EIPR1: variants seen among roughly 807,000 people sequenced by gnomAD.
EIPR1 encodes EARP complex and GARP complex interacting protein 1.
EIPR1 carries 25 observed loss-of-function variants against 48.1 expected under a neutral mutation model. The ratio of observed to expected loss-of-function variants is 0.52; its 90% CI spans 0.38 to 0.73. The LOEUF (loss-of-function observed/expected upper bound fraction) is 0.73, where lower values mean the gene tolerates loss of function less well. Among genes scored for constraint, EIPR1 ranks in the 30% least tolerant of loss-of-function variants. The probability of loss-of-function intolerance (pLI) is 0.00; values close to 1 mark genes in which losing one functional copy is unlikely to be tolerated. For synonymous variants in EIPR1, 204 were observed against 201.9 expected (o/e 1.01, Z -0.09); for missense variants, 415 against 506.2 (o/e 0.82, Z 1.73).
intron 4 of EIPR1, 66 bp from the exon 5 acceptor site, chr2:3,214,314 G>A (rs1346299365): frequency 2.8e-6 from 4 of 1,426,368 alleles, no homozygotes; most frequent in Admixed American, 3.5e-5. Context: ...GTAGGTAAGA[G>A]CTGTGATACA....
At chr2:3,228,443 G>A (rs1485137564) in intron 4 of EIPR1, among the ~76,000 whole-genome samples, 1 of 152,212 alleles carries the variant, frequency 6.6e-6, no homozygotes, top group Non-Finnish European at 1.5e-5. Context: ...AGTTGCTTTT[G>A]ATTTTACAGA....
chr2:3,216,216 G>A (rs1421367914), intron 4 of EIPR1, among the ~76,000 whole-genome samples: 1 of 152,158 alleles, frequency 6.6e-6, no homozygotes, highest in Non-Finnish European at 1.5e-5. Context: ...CGTGCTGGTG[G>A]AGTAATGCAC....
intron 4 of EIPR1, among the ~76,000 whole-genome samples, chr2:3,235,640 A>G (rs993141323): frequency 6.6e-6 from 1 of 152,224 alleles, no homozygotes; most frequent in African/African-American, 2.4e-5. Context: ...AAATGAACTT[A>G]ATTCAACTCT....
intron 4 of EIPR1, among the ~76,000 whole-genome samples, chr2:3,238,922 C>T (rs1666503952): frequency 6.6e-6 from 1 of 152,186 alleles, no homozygotes; most frequent in African/African-American, 2.4e-5. Context: ...AAGAAGGGAG[C>T]CAGCCAGCCC....
At chr2:3,295,896 T>C (rs1284062945) in intron 3 of EIPR1, among the ~76,000 whole-genome samples, 44 of 62,764 alleles carry the variant, frequency 7.0e-4, no homozygotes, top group South Asian at 1.2e-3. Flanking sequence ...TCCAGCCCAT[T>C]CTCTCTTTAC....
intron 3 of EIPR1, among the ~76,000 whole-genome samples, chr2:3,289,920 C>T (rs988760962): frequency 6.6e-6 from 1 of 152,234 alleles, no homozygotes; most frequent in Non-Finnish European, 1.5e-5. Flanking sequence ...TTTGTCACGG[C>T]CTCCAGGGTG....
At chr2:3,337,439 C>T (rs1253549909) in intron 3 of EIPR1, among the ~76,000 whole-genome samples, 3 of 152,082 alleles carry the variant, frequency 2.0e-5, no homozygotes, top group African/African-American at 7.2e-5. Context: ...CTCCATAGAG[C>T]CAGAATTTAG....
At chr2:3,219,846 G>A (rs1379481333) in intron 4 of EIPR1, among the ~76,000 whole-genome samples, 1 of 152,104 alleles carries the variant, frequency 6.6e-6, no homozygotes, top group Non-Finnish European at 1.5e-5. Context: ...TGCACATGAT[G>A]GCCCCAGTAC....
chr2:3,311,809 C>CG lies in EIPR1; in HGVS notation c.259+26207dup, dbSNP rs553741048. 2.9e-4 allele frequency among the ~76,000 whole-genome samples: 12 copies of CG among 41,838 alleles called. No homozygotes were observed. In the South Asian group the frequency reaches 4.0e-3, roughly 14 times the overall value. The allele number at this position is 41,838 out of a possible 152,430, so 27.4% of individuals were successfully genotyped here. ...GGGGCTCCATTCGCGGGGTGCTGGG[C>CG]GGGGGGGCTCTACTCTGGGGCACCA... On this transcript the variant is annotated intron_variant, in intron 3 of 8. Transcript: ENST00000382125.
At chr2:3,366,861 T>C (rs1031753674) in intron 1 of EIPR1, among the ~76,000 whole-genome samples, 1 of 152,134 alleles carries the variant, frequency 6.6e-6, no homozygotes, top group African/African-American at 2.4e-5. Context: ...GAGACCAGCC[T>C]GACCAACGTG....
intron 4 of EIPR1, among the ~76,000 whole-genome samples, chr2:3,247,040 AGAGGGAGGGAGAGAGG>A (rs1558249241): frequency 2.1e-4 from 1 of 4,704 alleles, no homozygotes; most frequent in Non-Finnish European, 4.0e-4. Context: ...AGGGAGGGAG[AGAGGGAGGGAGAGAGG>A]GAGGGAGAGA....
chr2:3,232,670 G>A (rs899313805), intron 4 of EIPR1, among the ~76,000 whole-genome samples: 2 of 152,266 alleles, frequency 1.3e-5, no homozygotes, highest in Non-Finnish European at 2.9e-5. Context: ...TGTTAGGACA[G>A]CATCACACTC....
chr2:3,289,122 GT>G (rs1558276161), intron 3 of EIPR1, among the ~76,000 whole-genome samples: 1 of 152,182 alleles, frequency 6.6e-6, no homozygotes, highest in Non-Finnish European at 1.5e-5. Flanking sequence ...CTCCCCACCG[GT>G]TTCAGGGGAG....
At chr2:3,326,388 G>A (rs1669700151) in intron 3 of EIPR1, among the ~76,000 whole-genome samples, 1 of 152,096 alleles carries the variant, frequency 6.6e-6, no homozygotes, top group Non-Finnish European at 1.5e-5. Context: ...CACCAAATCT[G>A]GTGCCCTCTC....
chr2:3,313,900 A>AC (rs112208476), intron 3 of EIPR1, among the ~76,000 whole-genome samples: 4 of 152,050 alleles, frequency 2.6e-5, no homozygotes, highest in African/African-American at 7.2e-5. Flanking sequence ...TCTGACCCTC[A>AC]CCCCCCGGTC....
intron 3 of EIPR1, among the ~76,000 whole-genome samples, chr2:3,302,249 T>C (rs1668784018): frequency 6.6e-6 from 1 of 152,204 alleles, no homozygotes; most frequent in Admixed American, 6.5e-5. Context: ...CAATGTCTAA[T>C]GAATCACAGG....
intron 3 of EIPR1, among the ~76,000 whole-genome samples, chr2:3,297,621 T>C (rs1250459563): frequency 6.6e-6 from 1 of 152,214 alleles, no homozygotes; most frequent in Non-Finnish European, 1.5e-5. Context: ...AGGTCATAAA[T>C]ATTTTTGGCT....
intron 2 of EIPR1, among the ~76,000 whole-genome samples, chr2:3,344,063 A>T (rs969726800): frequency 2.0e-5 from 3 of 152,128 alleles, no homozygotes; most frequent in African/African-American, 7.2e-5. Context: ...AAAACAAAAA[A>T]TACCACATAT....
chr2:3,238,114 G>A (rs1002406115), intron 4 of EIPR1, among the ~76,000 whole-genome samples: 2 of 152,156 alleles, frequency 1.3e-5, no homozygotes, highest in East Asian at 3.9e-4. Flanking sequence ...ACCTTTGCAT[G>A]CACCAAAAAA....
Sources: allele counts gnomAD v4.1 joint callset (sites outside exome capture counted in the v4.1 genomes callset), GRCh38; gene constraint gnomAD v4.1.1; transcripts MANE v1.5; gene names NCBI Gene and HGNC (gene_info 2026-07-23, HGNC 2026-07-21).